Variants in XPNPEP1 observed in about 807,000 individuals in gnomAD.
XPNPEP1 encodes the protein X-prolyl aminopeptidase 1.
In XPNPEP1, 39 loss-of-function variants were observed where a neutral mutation model predicts 92.4. The observed-to-expected ratio is 0.42, with a 90% CI of 0.33 to 0.55. The LOEUF is 0.55. Ranked by LOEUF, XPNPEP1 falls within the 20% of genes least tolerant of loss-of-function variation. The probability of loss-of-function intolerance (pLI) is 0.08; values close to 1 mark genes in which losing one functional copy is unlikely to be tolerated. For missense variants in XPNPEP1, 654 were observed against 856.1 expected (o/e 0.76, Z 2.95); for synonymous variants, 307 against 299.4 (o/e 1.03, Z -0.26).
In XPNPEP1 at chr10:109,882,608, TG is replaced by T. The variant is rs755346941; in HGVS notation, c.864del (p.Ser289ValfsTer2). ...LFIDGDRIDA[P>X]SVKEHLLLDL... ...TCAAGAAGCAGGTGCTCCTTCACAC[TG>T]GGGGCGTCTATGCGGTCACCATCAA... On this transcript the variant is annotated frameshift_variant, in exon 10 of 21. Transcript: ENST00000502935. LOFTEE classifies it high-confidence loss of function. The T allele has an allele frequency of 6.2e-7, 1 of 1,614,076 alleles. No individual in the cohort carries two copies. Among genetic ancestry groups the T allele is most frequent in the South Asian group, 1.1e-5 (1 of 91,076 alleles).
rs1300013034 is a variant in XPNPEP1 at position 109,888,666 on chromosome 10, A to G, written c.416-71T>C. 9.5e-6 allele frequency: 12 copies of G among 1,263,364 alleles called. No homozygotes were observed. In the East Asian group the frequency reaches 2.8e-4, roughly 30 times the overall value. 78.3% of individuals were successfully genotyped at this position (1,263,364 alleles called of 1,614,324 possible). On this transcript the variant is annotated intron_variant, in intron 5 of 20. Coordinates refer to ENST00000502935, the MANE Select transcript of XPNPEP1 (RefSeq NM_020383.4). The stretch of plus-strand genomic sequence containing the variant: ...GCTCATTATCCCACCAGAAAGATAC[A>G]ATTCTCTAACATCATGATAGCAGGG...
At chr10:109,865,813 C>T (rs747104537) in intron 20 of XPNPEP1, among the ~76,000 whole-genome samples, 5 of 152,194 alleles carry the variant, frequency 3.3e-5, no homozygotes, top group South Asian at 2.1e-4. Context: ...CCAAAACCTG[C>T]GGTGGTTAAA....
chr10:109,923,354 G>A (rs2133601188), intron 1 of XPNPEP1, 48 bp downstream of exon 1: 1 of 1,406,388 alleles, frequency 7.1e-7, no homozygotes, highest in Non-Finnish European at 9.3e-7. Context: ...GCCGCGCAGC[G>A]AGGGCTGCAC....
At chr10:109,918,866 A>AGGAAGGAAGGAAGGAG (rs1850354643) in intron 1 of XPNPEP1, among the ~76,000 whole-genome samples, 1 of 41,050 alleles carries the variant, frequency 2.4e-5, no homozygotes, top group African/African-American at 1.1e-4. Context: ...GAGGGAAGGA[A>AGGAAGGAAGGAAGGAG]GGAAGGAAGG....
chr10:109,879,340 G>A (rs1347280000), intron 12 of XPNPEP1, among the ~76,000 whole-genome samples: 1 of 152,138 alleles, frequency 6.6e-6, no homozygotes, highest in Non-Finnish European at 1.5e-5. Flanking sequence ...GGGAGGCCGA[G>A]GTGGGTGGAT....
At chr10:109,892,279 C>T (rs1848744386) in intron 4 of XPNPEP1, among the ~76,000 whole-genome samples, 1 of 152,202 alleles carries the variant, frequency 6.6e-6, no homozygotes, top group African/African-American at 2.4e-5. Context: ...AGTGTTCCTG[C>T]TGTGGTCACT....
chr10:109,872,562 T>C (rs1847548619), intron 16 of XPNPEP1, among the ~76,000 whole-genome samples: 1 of 152,200 alleles, frequency 6.6e-6, no homozygotes, highest in Non-Finnish European at 1.5e-5. Flanking sequence ...GTCCAAATTC[T>C]TCTAAGGCAC....
At chr10:109,891,038 G>A (rs772585222) in intron 5 of XPNPEP1, among the ~76,000 whole-genome samples, 2 of 152,120 alleles carry the variant, frequency 1.3e-5, no homozygotes, top group Admixed American at 6.6e-5. Flanking sequence ...CCCTAAAACC[G>A]TGTTTCTAAA....
At chr10:109,921,899 G>T (rs138032762) in intron 1 of XPNPEP1, among the ~76,000 whole-genome samples, 65 of 152,322 alleles carry the variant, frequency 4.3e-4, no homozygotes, top group African/African-American at 1.5e-3. Flanking sequence ...CATTAGGAAG[G>T]AGGGCTCAAC....
chr10:109,869,177 C>T lies in XPNPEP1; in HGVS notation c.1774-465G>A, dbSNP rs527603968. On this transcript the variant is annotated intron_variant, in intron 19 of 20. Coordinates refer to ENST00000502935, the MANE Select transcript of XPNPEP1 (RefSeq NM_020383.4). Reference sequence around the variant, plus strand: ...TCCACTGGAGCACACAAGAACATGTCGGGTTTCTGTTCATGGCAGCTTTTG... The same window carrying T: ...TCCACTGGAGCACACAAGAACATGTTGGGTTTCTGTTCATGGCAGCTTTTG... Among the ~76,000 whole-genome samples the T allele has an allele frequency of 1.6e-4, 24 of 152,304 alleles. No individual in the cohort carries two copies. The South Asian group carries it at 5.0e-3, about 32-fold the overall frequency.
At chr10:109,887,738 A>G (rs1474862133) in intron 7 of XPNPEP1, among the ~76,000 whole-genome samples, 3 of 152,268 alleles carry the variant, frequency 2.0e-5, no homozygotes. Flanking sequence ...TCTATTTCCA[A>G]TATCAAATAC....
At chr10:109,891,609 T>C in intron 5 of XPNPEP1, 113 bp downstream of exon 5, 1 of 824,202 alleles carries the variant, frequency 1.2e-6, no homozygotes. Context: ...CCTTGGATTC[T>C]CAAAAGGGTC....
Position 109,882,483 on chromosome 10 carries a change from C to A in XPNPEP1, c.990G>T (p.Lys330Asn). 1.9e-6 allele frequency: 3 copies of A among 1,614,230 alleles called. No individual in the cohort carries two copies. The highest frequency in any genetic ancestry group is 2.5e-6 in the Non-Finnish European group (3 of 1,180,022). ...AGCTGGCCTTGTCACTGACCCACAC[C>A]TTCTCCCTTGGGGAGAGGTCAGCAC... ...ALCADLSPREKVWVSDKASYA... is the reference protein window; with the variant it reads ...ALCADLSPRENVWVSDKASYA... The change falls in exon 10 of 21, where the codon AAG becomes AAT. Residue 330 changes from lysine (K) to asparagine (N), a missense_variant. By Grantham distance (94) the Lys-to-Asn change is moderately conservative. Transcript: ENST00000502935.
chr10:109,885,985 G>A (rs761244061), intron 8 of XPNPEP1, among the ~76,000 whole-genome samples: 3 of 152,174 alleles, frequency 2.0e-5, no homozygotes, highest in Admixed American at 6.5e-5. Flanking sequence ...TTCCTCAGAG[G>A]TGCCATGGTC....
At position 109,869,991 on chromosome 10, in the gene XPNPEP1, T is replaced by A; in HGVS notation, c.1735A>T (p.Ile579Phe). ...GGAACCACAAGGACAACATTCTCAA[T>A]GCGAATTCCAAAAGCCCCATCTTCA... ...YYEDGAFGIR[I>F]ENVVLVVPVK... The change falls in exon 19 of 21, where the codon ATT (isoleucine) becomes TTT (phenylalanine). Residue 579 changes from isoleucine (I) to phenylalanine (F), a missense_variant. By Grantham distance (21) the Ile-to-Phe change is conservative. Transcript: ENST00000502935. The A allele has an allele frequency of 5.6e-6, 9 of 1,614,134 alleles. No homozygotes were observed. Among genetic ancestry groups the A allele is most frequent in the Non-Finnish European group, 6.8e-6 (8 of 1,180,002 alleles).
intron 3 of XPNPEP1, among the ~76,000 whole-genome samples, chr10:109,897,936 G>A (rs1418558921): frequency 6.6e-6 from 1 of 152,054 alleles, no homozygotes; most frequent in African/African-American, 2.4e-5. Context: ...TTATGGACAT[G>A]AGCCACTGCA....
At position 109,907,745 on chromosome 10, in the gene XPNPEP1, C is replaced by A; in HGVS notation, c.192G>T (p.Glu64Asp). Residue 64 changes from glutamate (E) to aspartate (D), a missense_variant, in exon 3 of 21, where the codon GAG (glutamate) becomes GAT (aspartate). Glu to Asp is a conservative substitution (Grantham distance 45). Coordinates refer to ENST00000502935, the MANE Select transcript of XPNPEP1 (RefSeq NM_020383.4). ...AGGCCTGGATCGGTTCGGTCACATACTCAGAGTTCCTCATGGCTTGTCTCA... is the reference window on the plus strand; with the variant it reads ...AGGCCTGGATCGGTTCGGTCACATAATCAGAGTTCCTCATGGCTTGTCTCA... ...RQLRQAMRNS[E>D]YVTEPIQAYI... 6.2e-7 allele frequency: 1 copy of A among 1,614,248 alleles called. No homozygotes were observed. Among genetic ancestry groups the A allele is most frequent in the Middle Eastern group, 1.7e-4 (1 of 6,060 alleles).
intron 8 of XPNPEP1, 50 bp from the exon 9 acceptor site, chr10:109,884,198 G>A: frequency 1.9e-6 from 3 of 1,583,756 alleles, no homozygotes; most frequent in Non-Finnish European, 2.6e-6. Context: ...AAGATGTTAA[G>A]GGGTCGCTTG....
At chr10:109,902,448 C>T (rs1488823913) in intron 3 of XPNPEP1, among the ~76,000 whole-genome samples, 2 of 152,230 alleles carry the variant, frequency 1.3e-5, no homozygotes, top group Non-Finnish European at 2.9e-5. Context: ...GCAAATCTGG[C>T]ATCTGAACCC....
Sources: allele counts gnomAD v4.1 joint callset (sites outside exome capture counted in the v4.1 genomes callset), GRCh38; gene constraint gnomAD v4.1.1; transcripts MANE v1.5; gene names NCBI Gene and HGNC (gene_info 2026-07-23, HGNC 2026-07-21).